HMGCS1: variants seen among roughly 807,000 people sequenced by gnomAD.
HMGCS1 encodes the protein 3-hydroxy-3-methylglutaryl-CoA synthase 1.
A neutral mutation model predicts 52.3 loss-of-function variants in HMGCS1; 9 were observed. The ratio of observed to expected loss-of-function variants is 0.17; its 90% CI spans 0.10 to 0.30. The LOEUF is 0.30. Ranked by LOEUF, HMGCS1 falls within the 10% of genes least tolerant of loss-of-function variation. The pLI is 1.00. For synonymous variants in HMGCS1, 176 were observed against 214.4 expected, an observed-to-expected ratio of 0.82 and a Z score of 1.57; for missense variants, 320 against 620.9, an observed-to-expected ratio of 0.52 and a Z score of 5.15.
chr5:43,312,838 G>A (rs977888243), intron 1 of HMGCS1, among the ~76,000 whole-genome samples: 17 of 152,106 alleles, frequency 1.1e-4, no homozygotes, highest in African/African-American at 3.9e-4. Flanking sequence ...GAAAAGTAAT[G>A]CTACCCACTT....
intron 5 of HMGCS1, among the ~76,000 whole-genome samples, chr5:43,296,489 T>TAC (rs1211193170): frequency 1.3e-5 from 2 of 152,216 alleles, no homozygotes; most frequent in South Asian, 4.1e-4. Flanking sequence ...AGAAAAAGTA[T>TAC]ACTTTATGTA....
At chr5:43,300,816 A>G (rs903166467) in intron 2 of HMGCS1, among the ~76,000 whole-genome samples, 2 of 151,826 alleles carry the variant, frequency 1.3e-5, no homozygotes, top group African/African-American at 2.4e-5. Flanking sequence ...AAAAAAAAAA[A>G]AAAAGAAAAG....
At position 43,294,333 on chromosome 5, in the gene HMGCS1, G is replaced by A. The variant is rs1011214083; in HGVS notation, c.1077-171C>T. The A allele has an allele frequency of 5.4e-5, 30 of 554,970 alleles. No individual in the cohort carries two copies. In the Admixed American group the frequency reaches 6.3e-4, roughly 12 times the overall value. 34.4% of individuals were successfully genotyped at this position (554,970 alleles called of 1,614,324 possible). ...ATATTGCAGTAGGGAATATAACTTA[G>A]TTTTAATATTGCAGCATGTGAGTTT... On this transcript the variant is annotated intron_variant, in intron 7 of 10. Coordinates refer to ENST00000325110, the MANE Select transcript of HMGCS1 (RefSeq NM_001098272.3).
intron 5 of HMGCS1, 149 bp downstream of exon 5, chr5:43,296,853 A>T (rs904095063): frequency 1.6e-6 from 1 of 611,782 alleles, no homozygotes; most frequent in Admixed American, 2.9e-5. Flanking sequence ...CCCAGAAACT[A>T]TGGGAAAATG....
rs1754069832 is a variant in HMGCS1, at chr5:43,297,132, A to G, written c.609T>C (p.Asp203=). Residue 203 remains aspartate, a synonymous_variant, in exon 5 of 11, where the codon GAT becomes GAC. Transcript: ENST00000325110. ...CAGATAGCATATCAGGCTTGTAAAA[A>G]TCATAGGCATGTTGCATATGTGTCC... is the stretch of plus-strand genomic sequence containing the variant. ...LRGTHMQHAY[D]FYKPDMLSEY... is the part of the protein sequence containing the mutation. 2 of 1,613,842 alleles carry G rather than the reference A, an allele frequency of 1.2e-6. No homozygotes were observed. The highest frequency in any genetic ancestry group is 1.1e-5 in the South Asian group (1 of 91,012).
At chr5:43,293,966 C>G in intron 8 of HMGCS1, 90 bp downstream of exon 8, 2 of 817,024 alleles carry the variant, frequency 2.4e-6, no homozygotes, top group East Asian at 2.5e-5. Context: ...CTGCCCGCCT[C>G]GGCCTCCCAA....
chr5:43,308,515 T>C (rs978803139), intron 1 of HMGCS1, among the ~76,000 whole-genome samples: 2 of 152,242 alleles, frequency 1.3e-5, no homozygotes, highest in African/African-American at 4.8e-5. Context: ...CAACCTTTTA[T>C]AAAGTGATTT....
chr5:43,306,813 C>T (rs890808091), intron 2 of HMGCS1, among the ~76,000 whole-genome samples: 9 of 152,240 alleles, frequency 5.9e-5, no homozygotes, highest in South Asian at 4.1e-4. Context: ...GAGCAGGAAC[C>T]GTGCTTTGTT....
chr5:43,288,098 T>C lies in HMGCS1; in HGVS notation c.*3033A>G, dbSNP rs1753577095. ...GGAGTCTGCAAGGCTGAATAAGGAA[T>C]ATACATAGAATGAATAGTGCTTACT... On this transcript the variant is annotated 3_prime_UTR_variant, in exon 11 of 11. Coordinates refer to ENST00000325110, the MANE Select transcript of HMGCS1 (RefSeq NM_001098272.3). 6.6e-6 allele frequency: 1 copy of C among 152,158 alleles called. No homozygotes were observed. The highest frequency in any genetic ancestry group is 1.5e-5 in the Non-Finnish European group (1 of 68,032). The allele number at this position is 152,158 out of a possible 1,614,324, so 9.4% of individuals were successfully genotyped here.
chr5:43,293,121 T>A, intron 8 of HMGCS1, 148 bp from the exon 9 acceptor site: 1 of 639,780 alleles, frequency 1.6e-6, no homozygotes, highest in South Asian at 2.0e-5. Context: ...GATAAGATGA[T>A]ACCTATTTGA....
At position 43,288,921 on chromosome 5, in the gene HMGCS1, T is replaced by C. The variant is rs1037484364; in HGVS notation, c.*2210A>G. On this transcript the variant is annotated 3_prime_UTR_variant, in exon 11 of 11. Coordinates refer to ENST00000325110, the MANE Select transcript of HMGCS1 (RefSeq NM_001098272.3). ...GCAGGGATTCCTTCTATAAAACCCC[T>C]GGGGATCACTAGCAACATGGGACTT... 2.6e-5 allele frequency: 4 copies of C among 152,182 alleles called. No individual in the cohort carries two copies. The highest frequency in any genetic ancestry group is 9.6e-5 in the African/African-American group (4 of 41,454). The allele number at this position is 152,182 out of a possible 1,614,324, so 9.4% of individuals were successfully genotyped here.
At position 43,291,196 on chromosome 5, in the gene HMGCS1, C is replaced by G. The variant is rs771179057; in HGVS notation, c.1498G>C (p.Val500Leu). 3 of 1,604,662 alleles carry G rather than the reference C, an allele frequency of 1.9e-6. No homozygotes were observed. In the East Asian group the frequency reaches 6.8e-5, roughly 36 times the overall value. ...TEHIPSPAKKVPRLPATAAEP... is the reference protein window; with the variant it reads ...TEHIPSPAKKLPRLPATAAEP... ...GCTGCTGTGGCAGGGAGTCTTGGTA[C>G]TTTCTTGGCAGGGCTTGGAATATGC... The change falls in exon 11 of 11, where the codon GTA becomes CTA. Residue 500 changes from valine (V) to leucine (L), a missense_variant. This residue lies in a region of HMGCS1 where 213 missense variants were observed against 337.4 expected (regional missense o/e 0.63). Coordinates refer to ENST00000325110, the MANE Select transcript of HMGCS1 (RefSeq NM_001098272.3).
chr5:43,294,885 T>C, intron 6 of HMGCS1, 24 bp from the exon 7 acceptor site: 1 of 1,533,372 alleles, frequency 6.5e-7, no homozygotes, highest in Non-Finnish European at 8.9e-7. Context: ...TTTACAGTTT[T>C]ACAGTGTTTA....
chr5:43,304,424 T>C (rs1754464416), intron 2 of HMGCS1, among the ~76,000 whole-genome samples: 1 of 152,260 alleles, frequency 6.6e-6, no homozygotes, highest in South Asian at 2.1e-4. Context: ...TTGTACTCAC[T>C]AATAAATTCA....
At chr5:43,306,124 A>G (rs74636319) in intron 2 of HMGCS1, among the ~76,000 whole-genome samples, 27 of 152,332 alleles carry the variant, frequency 1.8e-4, no homozygotes, top group Non-Finnish European at 2.8e-4. Context: ...AAGTCTCATT[A>G]AAGTGAAGGC....
chr5:43,307,029 G>C (rs964548558), intron 2 of HMGCS1, among the ~76,000 whole-genome samples: 13 of 150,988 alleles, frequency 8.6e-5, no homozygotes, highest in African/African-American at 3.2e-4. Flanking sequence ...TAGATTACCA[G>C]TTGAAACACA....
In HMGCS1 at chr5:43,298,025, A is replaced by C. The variant is rs747242038; in HGVS notation, c.558T>G (p.Pro186=). The change falls in exon 4 of 11, where the codon CCT becomes CCG. Residue 186 remains proline, a synonymous_variant. Coordinates refer to ENST00000325110, the MANE Select transcript of HMGCS1 (RefSeq NM_001098272.3). The surrounding 1 kb of genome is among the most constrained non-coding windows in gnomAD (Gnocchi z 5.6). ...AVALLIGPNA[P]LIFERGLRGT... is the part of the protein sequence containing the mutation. ...AGCACTTACCTCGTTCAAAAATTAA[A>C]GGAGCATTTGGCCCAATTAGCAGAG... 12 of 1,613,646 alleles carry C rather than the reference A, an allele frequency of 7.4e-6. No individual in the cohort carries two copies. In the South Asian group the frequency reaches 1.3e-4, roughly 18 times the overall value.
chr5:43,309,238 ATT>A (rs766081777), intron 1 of HMGCS1, among the ~76,000 whole-genome samples: 6 of 142,664 alleles, frequency 4.2e-5, no homozygotes, highest in Admixed American at 1.4e-4. Context: ...ATTCCCTCAA[ATT>A]TTTTTTTTTT....
chr5:43,288,714 G>A lies in HMGCS1; in HGVS notation c.*2417C>T, dbSNP rs539932398. ...GCAAGCAGAAGTGACCTTAGAGAAC[G>A]CTAGCCTCTAAATGACCCAGAAAGT... On this transcript the variant is annotated 3_prime_UTR_variant, in exon 11 of 11. Transcript: ENST00000325110. 2.6e-5 allele frequency: 4 copies of A among 152,228 alleles called. 1 individual carries two copies. The highest frequency in any genetic ancestry group is 7.2e-5 in the African/African-American group (3 of 41,544). 9.4% of individuals were successfully genotyped at this position (152,228 alleles called of 1,614,324 possible).
Sources: allele counts gnomAD v4.1 joint callset (sites outside exome capture counted in the v4.1 genomes callset), GRCh38; gene constraint gnomAD v4.1.1; regional missense constraint gnomAD v4.1.1; non-coding constraint Gnocchi (gnomAD v3.1); transcripts MANE v1.5; gene names NCBI Gene and HGNC (gene_info 2026-07-23, HGNC 2026-07-21).